CES5A: variants seen among roughly 807,000 people sequenced by gnomAD.
CES5A encodes the protein carboxylesterase 5.
Under a neutral mutation model 62.9 loss-of-function variants are expected in CES5A, and 67 were observed. The ratio of observed to expected loss-of-function variants is 1.07; its 90% CI spans 0.88 to 1.31. The LOEUF is 1.31. Ranked by LOEUF, CES5A falls within the 50% of genes most tolerant of loss-of-function variation. The pLI, the probability that CES5A is intolerant of heterozygous loss-of-function variation, is 0.00. For synonymous variants in CES5A, 296 were observed against 280.8 expected, an observed-to-expected ratio of 1.05 and a Z score of -0.54; for missense variants, 748 against 708.5, an observed-to-expected ratio of 1.06 and a Z score of -0.63.
intron 1 of CES5A, among the ~76,000 whole-genome samples, chr16:55,924,490 T>C (rs527413494): frequency 6.6e-6 from 1 of 152,082 alleles, no homozygotes; most frequent in South Asian, 2.1e-4. Flanking sequence ...AAAATGACCA[T>C]ACTACCCAAA....
chr16:55,898,032 T>C (rs558102154), intron 1 of CES5A, among the ~76,000 whole-genome samples: 60 of 152,280 alleles, frequency 3.9e-4, no homozygotes, highest in Non-Finnish European at 7.4e-4. Context: ...AGCTAATCTA[T>C]AGGGAGAGAA....
rs1353925249 is a variant in CES5A, at chr16:55,875,029, G to GTAC, written c.73+117_73+119dup. 4 of 1,003,092 alleles carry GTAC rather than the reference G, an allele frequency of 4.0e-6. No homozygotes were observed. In the African/African-American group the frequency reaches 4.8e-5, roughly 12 times the overall value. The allele number at this position is 1,003,092 out of a possible 1,614,324, so 62.1% of individuals were successfully genotyped here. On this transcript the variant is annotated intron_variant, in intron 1 of 12. Transcript: ENST00000290567. Reference sequence around the variant, plus strand: ...ACAGCAGAATACTGATGCCATCAAAGTACTACATAGCTCTCCACTGGCCCT... The same window carrying GTAC: ...ACAGCAGAATACTGATGCCATCAAAGTACTACTACATAGCTCTCCACTGGCCCT...
chr16:55,890,400 T>G (rs542135119), intron 1 of CES5A, among the ~76,000 whole-genome samples: 17 of 152,210 alleles, frequency 1.1e-4, no homozygotes, highest in East Asian at 3.9e-4. Context: ...CTGTTTTGTT[T>G]GTGAAATTGT....
At chr16:55,917,597 G>A (rs1172474877) in intron 1 of CES5A, among the ~76,000 whole-genome samples, 1 of 152,200 alleles carries the variant, frequency 6.6e-6, no homozygotes, top group Non-Finnish European at 1.5e-5. Context: ...ATCTCAGGCA[G>A]CTAACAGAGG....
At chr16:55,901,669 T>C (rs1354377391) in intron 1 of CES5A, among the ~76,000 whole-genome samples, 1 of 152,152 alleles carries the variant, frequency 6.6e-6, no homozygotes, top group Non-Finnish European at 1.5e-5. Flanking sequence ...CCAGCCATAG[T>C]GGAGGACTGG....
chr16:55,873,354 G>T (rs142004543), intron 2 of CES5A, among the ~76,000 whole-genome samples: 1 of 152,218 alleles, frequency 6.6e-6, no homozygotes, highest in Admixed American at 6.5e-5. Context: ...ATCAGGCACC[G>T]TTTTGACAGC....
At chr16:55,883,226 A>C (rs1322138765) in intron 1 of CES5A, among the ~76,000 whole-genome samples, 1 of 152,116 alleles carries the variant, frequency 6.6e-6, no homozygotes, top group South Asian at 2.1e-4. Flanking sequence ...ATCGAATGGA[A>C]TTGTGAAAGG....
At chr16:55,847,913 T>C (rs868008870) in intron 11 of CES5A, among the ~76,000 whole-genome samples, 1 of 152,050 alleles carries the variant, frequency 6.6e-6, no homozygotes, top group Non-Finnish European at 1.5e-5. Context: ...TTAATCTATG[T>C]TATTTATTTT....
At chr16:55,928,446 C>CA (rs1369206421), upstream of CES5A, among the ~76,000 whole-genome samples, 19 of 151,830 alleles carry the variant, frequency 1.3e-4, no homozygotes, top group African/African-American at 4.4e-4. Flanking sequence ...GGATAAGGGA[C>CA]AAAAAAATCC....
At chr16:55,890,021 A>C (rs2033859785) in intron 1 of CES5A, among the ~76,000 whole-genome samples, 1 of 152,206 alleles carries the variant, frequency 6.6e-6, no homozygotes, top group Non-Finnish European at 1.5e-5. Context: ...GTGACCTTCC[A>C]GCCAGGAAAG....
chr16:55,871,928 AAAAC>A (rs1290508374), intron 2 of CES5A, 165 bp from the exon 3 acceptor site: 1 of 639,252 alleles, frequency 1.6e-6, no homozygotes, highest in Non-Finnish European at 2.7e-6. Flanking sequence ...CATGGTTTCC[AAAAC>A]AAACAAGCAA....
upstream of CES5A, among the ~76,000 whole-genome samples, chr16:55,877,392 C>A (rs1308815026): frequency 6.6e-6 from 1 of 151,650 alleles, no homozygotes; most frequent in East Asian, 1.9e-4. Flanking sequence ...AATTAACAAG[C>A]ATTACATGTA....
At chr16:55,884,418 A>G (rs2033793078) in intron 1 of CES5A, among the ~76,000 whole-genome samples, 1 of 152,216 alleles carries the variant, frequency 6.6e-6, no homozygotes, top group African/African-American at 2.4e-5. Context: ...TGATCATTAA[A>G]GTAATTGCAG....
intron 1 of CES5A, among the ~76,000 whole-genome samples, chr16:55,921,786 A>T (rs575470100): frequency 6.6e-6 from 1 of 152,090 alleles, no homozygotes; most frequent in African/African-American, 2.4e-5. Context: ...AGGCCAAAAG[A>T]CAAATATATC....
In CES5A at chr16:55,861,465, G is replaced by A. The variant is rs757364758; in HGVS notation, c.862C>T (p.Leu288=). 3 of 1,614,052 alleles carry A rather than the reference G, an allele frequency of 1.9e-6. No homozygotes were observed. Among genetic ancestry groups the A allele is most frequent in the Non-Finnish European group, 2.5e-6 (3 of 1,179,926 alleles). Residue 288 remains leucine (L), a synonymous_variant, in exon 7 of 13, where the codon CTG becomes TTG. Coordinates refer to ENST00000290567, the MANE Select transcript of CES5A (RefSeq NM_001143685.2). ...GGTTTTGTCCTCAGGCACCTCAGCA[G>A]GGCCTCAGAGTCTGACGCATTGTTA... The part of the protein sequence containing the change: ...CGNNASDSEA[L]LRCLRTKPSK...
intron 1 of CES5A, among the ~76,000 whole-genome samples, chr16:55,902,126 T>A (rs2033996010): frequency 6.6e-6 from 1 of 152,164 alleles, no homozygotes; most frequent in Admixed American, 6.6e-5. Context: ...ATTTTCCATG[T>A]CCTCTCCTCT....
chr16:55,925,847 A>G (rs148182329), upstream of CES5A, among the ~76,000 whole-genome samples: 1 of 152,240 alleles, frequency 6.6e-6, no homozygotes, highest in African/African-American at 2.4e-5. Flanking sequence ...GAGTAAATAG[A>G]CAACCTACAG....
At chr16:55,877,314 A>G (rs1173988591), upstream of CES5A, among the ~76,000 whole-genome samples, 5 of 152,344 alleles carry the variant, frequency 3.3e-5, no homozygotes, top group South Asian at 1.0e-3. Flanking sequence ...GGACTTTACC[A>G]GATTGAGTTA....
intron 1 of CES5A, among the ~76,000 whole-genome samples, chr16:55,921,827 G>C (rs2034208373): frequency 6.6e-6 from 1 of 151,946 alleles, no homozygotes; most frequent in Non-Finnish European, 1.5e-5. Flanking sequence ...AAACTGTTAA[G>C]AAATGGGTAA....
Sources: gnomAD v4.1 joint callset for allele counts (sites outside exome capture counted in the v4.1 genomes callset) on GRCh38, gnomAD v4.1.1 for gene constraint, MANE v1.5 for transcripts, NCBI Gene and HGNC (gene_info 2026-07-23, HGNC 2026-07-21) for gene names.